The following AHI1 variants were observed in gnomAD, a reference collection of about 807,000 sequenced individuals.
AHI1 encodes jouberin.
A neutral mutation model predicts 149.3 loss-of-function variants in AHI1; 123 were observed. The observed-to-expected ratio is 0.82, with a 90% CI of 0.71 to 0.96. The LOEUF (loss-of-function observed/expected upper bound fraction) is 0.96, where lower values mean the gene tolerates loss of function less well. AHI1 is among the 40% of genes least tolerant of loss of function. The probability of loss-of-function intolerance (pLI) is 0.00; values close to 1 mark genes in which losing one functional copy is unlikely to be tolerated. For synonymous variants in AHI1, 475 were observed against 459.8 expected (o/e 1.03, Z -0.42); for missense variants, 1,439 against 1,422.7 (o/e 1.01, Z -0.18).
intron 27 of AHI1, among the ~76,000 whole-genome samples, chr6:135,298,349 AACAAG>A (rs983360579): frequency 1.3e-5 from 2 of 151,992 alleles, no homozygotes; most frequent in African/African-American, 4.8e-5. Flanking sequence ...AAAACAAAAA[AACAAG>A]ACAAGAAATT....
intron 5 of AHI1, among the ~76,000 whole-genome samples, chr6:135,484,020 C>G (rs1583474148): frequency 1.3e-5 from 2 of 151,828 alleles, no homozygotes; most frequent in African/African-American, 4.9e-5. Context: ...CTTAAAGTTC[C>G]ACATGGCTGT....
intron 24 of AHI1, among the ~76,000 whole-genome samples, chr6:135,337,603 A>G (rs1163216939): frequency 6.6e-6 from 1 of 151,926 alleles, no homozygotes; most frequent in East Asian, 1.9e-4. Flanking sequence ...CTACAAAAAA[A>G]TTAAAAAAAT....
At chr6:135,463,961 G>A (rs569700153) in intron 7 of AHI1, among the ~76,000 whole-genome samples, 1 of 152,004 alleles carries the variant, frequency 6.6e-6, no homozygotes, top group East Asian at 1.9e-4. Flanking sequence ...CTCAGGCATG[G>A]ATTTCTAGGT....
intron 24 of AHI1, among the ~76,000 whole-genome samples, chr6:135,339,264 A>G (rs181123489): frequency 6.6e-6 from 1 of 152,188 alleles, no homozygotes; most frequent in Non-Finnish European, 1.5e-5. Context: ...AATCTCAAAT[A>G]TCCTCTTATC....
chr6:135,387,962 T>C, intron 23 of AHI1: 2 of 1,613,646 alleles, frequency 1.2e-6, no homozygotes, highest in Non-Finnish European at 8.5e-7. Context: ...TCAGTTCTTC[T>C]GGCTGGCTGA....
At chr6:135,410,977 A>C (rs1413251748) in intron 21 of AHI1, among the ~76,000 whole-genome samples, 1 of 152,130 alleles carries the variant, frequency 6.6e-6, no homozygotes, top group Non-Finnish European at 1.5e-5. Context: ...TGAGTGGCTG[A>C]GATTACAGGT....
At chr6:135,460,906 A>G (rs773302526) in intron 8 of AHI1, among the ~76,000 whole-genome samples, 1 of 152,200 alleles carries the variant, frequency 6.6e-6, no homozygotes, top group Non-Finnish European at 1.5e-5. Flanking sequence ...TTCCTATCAT[A>G]AACATAAACC....
chr6:135,338,467 A>G (rs1216319664), intron 24 of AHI1, among the ~76,000 whole-genome samples: 1 of 152,242 alleles, frequency 6.6e-6, no homozygotes, highest in African/African-American at 2.4e-5. Context: ...AGTAGCAAAT[A>G]GAATCTTCAG....
chr6:135,436,306 C>T (rs1785392270), intron 15 of AHI1, among the ~76,000 whole-genome samples: 2 of 152,014 alleles, frequency 1.3e-5, no homozygotes, highest in Admixed American at 1.3e-4. Flanking sequence ...AAGAGGTTGT[C>T]AATGAAAACT....
At chr6:135,483,814 A>G (rs1376415941) in intron 5 of AHI1, among the ~76,000 whole-genome samples, 2 of 152,132 alleles carry the variant, frequency 1.3e-5, no homozygotes, top group Non-Finnish European at 2.9e-5. Flanking sequence ...TGTACTTCCT[A>G]TCCATACACT....
chr6:135,323,920 C>G lies in AHI1; in HGVS notation c.3166-596G>C, dbSNP rs1787258664. Among the ~76,000 whole-genome samples the G allele has an allele frequency of 2.0e-5, 3 of 152,114 alleles. No individual in the cohort carries two copies. In the South Asian group the frequency reaches 6.2e-4, roughly 32 times the overall value. On this transcript the variant is annotated intron_variant, in intron 24 of 28. Transcript: ENST00000265602. ...TTGATACGAATTTAAGAGGAAAAGC[C>G]TTTTCATGAGAATCCTCTTCTTTGT...
chr6:135,351,756 T>A (rs1792147607), intron 24 of AHI1, among the ~76,000 whole-genome samples: 1 of 152,168 alleles, frequency 6.6e-6, no homozygotes, highest in African/African-American at 2.4e-5. Flanking sequence ...AAATACATGA[T>A]CATATTTGTG....
intron 23 of AHI1, among the ~76,000 whole-genome samples, chr6:135,359,627 C>G (rs755005700): frequency 3.3e-5 from 5 of 152,044 alleles, no homozygotes; most frequent in Non-Finnish European, 5.9e-5. Flanking sequence ...TCTCACAATC[C>G]TAGCTGCAAA....
Position 135,465,960 on chromosome 6 carries a change from T to C in AHI1, c.603A>G (p.Ala201=). 1 of 1,612,918 alleles carries C rather than the reference T, an allele frequency of 6.2e-7. No homozygotes were observed. Among genetic ancestry groups the C allele is most frequent in the African/African-American group, 1.3e-5 (1 of 75,036 alleles). The change falls in exon 7 of 29, where the codon GCA becomes GCG. Residue 201 remains alanine (A), a synonymous_variant. Coordinates refer to ENST00000265602, the MANE Select transcript of AHI1 (RefSeq NM_001134831.2). ...AYQCHVTEEM[A]KEIKRKIRKK... is the part of the protein sequence containing the mutation. ...TTCTTATTTTCCTCTTAATCTCCTT[T>C]GCCATTTCTTCAGTTACATGGCACT...
rs192413154 is a variant in AHI1, at chr6:135,356,382, T to C, written c.3165+1750A>G. ...GATGGAAATTAGATAAAATTACATT[T>C]CTGTGAAAATCAGACTTTACTTGTC... On this transcript the variant is annotated intron_variant, in intron 24 of 28. Coordinates refer to ENST00000265602, the MANE Select transcript of AHI1 (RefSeq NM_001134831.2). Among the ~76,000 whole-genome samples, 342 of 152,338 alleles carry C rather than the reference T, an allele frequency of 2.2e-3. 1 individual carries two copies. Among genetic ancestry groups the C allele is most frequent in the Middle Eastern group, 0.01 (3 of 294 alleles).
intron 23 of AHI1, among the ~76,000 whole-genome samples, chr6:135,377,628 T>C (rs1776141237): frequency 6.6e-6 from 1 of 151,978 alleles, no homozygotes; most frequent in African/African-American, 2.4e-5. Flanking sequence ...TACAGGCATG[T>C]ACCACCACAC....
chr6:135,311,132 T>C (rs1471194608), intron 26 of AHI1, among the ~76,000 whole-genome samples: 1 of 151,820 alleles, frequency 6.6e-6, no homozygotes, highest in Non-Finnish European at 1.5e-5. Context: ...TGAAACCCCA[T>C]CTCTACTAAA....
At chr6:135,427,874 T>C (rs551473559) in intron 19 of AHI1, among the ~76,000 whole-genome samples, 1 of 151,600 alleles carries the variant, frequency 6.6e-6, no homozygotes, top group Admixed American at 6.6e-5. Flanking sequence ...TCTAGATTCA[T>C]TTATTGAAGG....
At position 135,455,778 on chromosome 6, in the gene AHI1, G is replaced by C; in HGVS notation, c.1300C>G (p.Leu434Val). 1 of 1,603,440 alleles carries C rather than the reference G, an allele frequency of 6.2e-7. No individual in the cohort carries two copies. The highest frequency in any genetic ancestry group is 1.1e-5 in the South Asian group (1 of 88,890). ...TTAGGACTCTCATCAGAGCCTCGAAGCAAATAGGGAAAATTTTCATTAAAT... is the reference window on the plus strand; with the variant it reads ...TTAGGACTCTCATCAGAGCCTCGAACCAAATAGGGAAAATTTTCATTAAAT... The part of the protein sequence containing the change: ...IVFNENFPYL[L>V]RGSDESPKVI... The change falls in exon 10 of 29, where the codon CTT becomes GTT. Residue 434 changes from leucine to valine, a missense_variant. Leu to Val is a conservative substitution (Grantham distance 32). Coordinates refer to ENST00000265602, the MANE Select transcript of AHI1 (RefSeq NM_001134831.2).
Sources: allele counts gnomAD v4.1 joint callset (sites outside exome capture counted in the v4.1 genomes callset), GRCh38; gene constraint gnomAD v4.1.1; transcripts MANE v1.5; gene names NCBI Gene and HGNC (gene_info 2026-07-23, HGNC 2026-07-21).